CTC1: variants seen among roughly 807,000 people sequenced by gnomAD.
CTC1 encodes the protein CST complex subunit CTC1.
Under a neutral mutation model 136.3 loss-of-function variants are expected in CTC1, and 91 were observed. That is an observed-to-expected ratio of 0.67 (90% CI 0.56 to 0.79). CTC1 has a LOEUF of 0.79. Among genes scored for constraint, CTC1 ranks in the 30% least tolerant of loss-of-function variants. CTC1 has a pLI of 0.00. For missense variants in CTC1, 1,432 were observed against 1,498.1 expected (o/e 0.96, Z 0.73); for synonymous variants, 606 against 613.8 (o/e 0.99, Z 0.19).
At chr17:8,233,120 A>G in intron 10 of CTC1, 88 bp from the exon 11 acceptor site, 1 of 1,438,214 alleles carries the variant, frequency 7.0e-7, no homozygotes, top group Non-Finnish European at 9.5e-7. Context: ...TTACATGGTA[A>G]AGCTACAAAA....
Position 8,234,887 on chromosome 17 carries a change from T to C in CTC1, c.1479A>G (p.Gln493=), listed in dbSNP as rs188654013. The change falls in exon 9 of 23, where the codon CAA becomes CAG. Residue 493 remains glutamine, a synonymous_variant. Coordinates refer to ENST00000651323, the MANE Select transcript of CTC1 (RefSeq NM_025099.6). ...PHVLRHHQFL[Q]HSSPGSPSLG... The stretch of plus-strand genomic sequence containing the variant: ...GGCTGGGGCTCCCAGGAGAGGAATG[T>C]TGCAGGAACTGGTGGTGTCTCAGCA... 90 of 1,610,078 alleles carry C rather than the reference T, an allele frequency of 5.6e-5. 1 individual carries two copies. In the African/African-American group the frequency reaches 8.5e-4, roughly 15 times the overall value.
At chr17:8,242,531 GAGAAAAAAA>G (rs1200931033) in intron 2 of CTC1, among the ~76,000 whole-genome samples, 916 of 79,508 alleles carry the variant, frequency 0.012, 7 homozygotes, top group African/African-American at 0.047. Flanking sequence ...ATAGTGTAGA[GAGAAAAAAA>G]AAAAAAAAAA....
Position 8,235,866 on chromosome 17 carries a change from G to A in CTC1, c.1171C>T (p.Leu391Phe). 1 of 1,613,760 alleles carries A rather than the reference G, an allele frequency of 6.2e-7. No homozygotes were observed. The highest frequency in any genetic ancestry group is 8.5e-7 in the Non-Finnish European group (1 of 1,179,746). The change falls in exon 7 of 23, where the codon CTT becomes TTT. Residue 391 changes from leucine to phenylalanine, a missense_variant. Physicochemically the swap from Leu to Phe is conservative, Grantham distance 22. Transcript: ENST00000651323. ...ACTCCAGGTCGCATCACCCGCCTAA[G>A]GCCACGGAACTGCTGGTAGGCAAGG... ...LCLAYQQFRG[L>F]RRVMRPGVCL...
Position 8,232,148 on chromosome 17 carries a change from T to C in CTC1, c.2140A>G (p.Thr714Ala). The C allele has an allele frequency of 6.6e-7, 1 of 1,524,614 alleles. No individual in the cohort carries two copies. Among genetic ancestry groups the C allele is most frequent in the Non-Finnish European group, 8.8e-7 (1 of 1,140,412 alleles). 94.4% of individuals were successfully genotyped at this position (1,524,614 alleles called of 1,614,324 possible). ...GGGCCGGTGGGATCTGTCTGAGGTG[T>C]TGAGGGTGTTGCTGAATGAAGGCAG... The part of the protein sequence containing the change: ...RPCLHSATPS[T>A]PQTDPTGPEG... The change falls in exon 13 of 23, where the codon ACA becomes GCA. Residue 714 changes from threonine to alanine, a missense_variant. Thr to Ala is a moderately conservative substitution (Grantham distance 58). Transcript: ENST00000651323.
In CTC1 at chr17:8,226,659, A is replaced by G. The variant is rs757866349; in HGVS notation, c.*1521T>C. 2 of 152,224 alleles carry G rather than the reference A, an allele frequency of 1.3e-5. No homozygotes were observed. The highest frequency in any genetic ancestry group is 2.9e-5 in the Non-Finnish European group (2 of 68,042). The allele number at this position is 152,224 out of a possible 1,614,324, so 9.4% of individuals were successfully genotyped here. A position where few individuals can be genotyped will look rare whatever the true frequency, so the allele number is the denominator to read the frequency against. On this transcript the variant is annotated 3_prime_UTR_variant, in exon 23 of 23. Transcript: ENST00000651323. ...CGCGGGGAGACCCCAATGGATTTCT[A>G]GTCCATCGCCTTAACCACTCGGCCA...
At chr17:8,234,727 T>A (rs952501601) in intron 9 of CTC1, 22 bp downstream of exon 9, 24 of 1,581,046 alleles carry the variant, frequency 1.5e-5, no homozygotes, top group Non-Finnish European at 2.1e-5. Context: ...TCTGCCACCA[T>A]CCTTCCCCCA....
rs773769861 is a variant in CTC1, at chr17:8,228,488, C to T, written c.3514+15G>A. The stretch of plus-strand genomic sequence containing the variant: ...GATCCCCCTATCATCATGATCCCCC[C>T]GTCTCCAACCTTACCTAATGGGACG... On this transcript the variant is annotated intron_variant, in intron 22 of 22. Transcript: ENST00000651323. The T allele has an allele frequency of 1.2e-5, 19 of 1,614,088 alleles. No individual in the cohort carries two copies. The highest frequency in any genetic ancestry group is 1.6e-4 in the Middle Eastern group (1 of 6,062).
chr17:8,232,679 G>A (rs1987348096), intron 11 of CTC1: 2 of 688,188 alleles, frequency 2.9e-6, no homozygotes, highest in Non-Finnish European at 5.0e-6. Context: ...TTGTAATCCT[G>A]GAGTGCATGT....
chr17:8,242,699 A>G (rs967180997), intron 2 of CTC1, among the ~76,000 whole-genome samples: 12 of 151,660 alleles, frequency 7.9e-5, no homozygotes, highest in African/African-American at 2.4e-4. Flanking sequence ...CACAAAATAA[A>G]GATAACACCA....
chr17:8,238,176 G>A lies in CTC1; in HGVS notation c.502C>T (p.Pro168Ser), dbSNP rs1385087993. The A allele has an allele frequency of 3.7e-6, 6 of 1,614,004 alleles. No homozygotes were observed. Among genetic ancestry groups the A allele is most frequent in the Non-Finnish European group, 5.1e-6 (6 of 1,179,886 alleles). The change falls in exon 4 of 23, where the codon CCT (proline) becomes TCT (serine). Residue 168 changes from proline (P) to serine (S), a missense_variant. Transcript: ENST00000651323. ...TCCCCTGAGGAATTCCACCTGGCAGGAGGGAGGTAACTCCAACGGGGGAAC... is the reference window on the plus strand; with the variant it reads ...TCCCCTGAGGAATTCCACCTGGCAGAAGGGAGGTAACTCCAACGGGGGAAC... ...FLFPRWSYLP[P>S]ARWNSSGEGH...
intron 10 of CTC1, 39 bp downstream of exon 10, chr17:8,234,416 A>C: frequency 6.5e-7 from 1 of 1,539,012 alleles, no homozygotes; most frequent in Non-Finnish European, 8.8e-7. Context: ...AGGATGACAA[A>C]AAGGGAAATC....
intron 10 of CTC1, chr17:8,233,277 C>T (rs550924448): frequency 1.1e-5 from 5 of 460,926 alleles, no homozygotes; most frequent in South Asian, 9.6e-5. Flanking sequence ...CATGCGGGAT[C>T]TCACAGGACA....
chr17:8,235,391 G>A, intron 7 of CTC1, 106 bp from the exon 8 acceptor site: 3 of 829,884 alleles, frequency 3.6e-6, no homozygotes, highest in Non-Finnish European at 5.7e-6. Context: ...CAGGAAGACG[G>A]AAAGCAATTT....
intron 22 of CTC1, 54 bp from the exon 23 acceptor site, chr17:8,228,373 C>A: frequency 6.2e-7 from 1 of 1,608,368 alleles, no homozygotes; most frequent in Admixed American, 1.7e-5. Flanking sequence ...CTTTTAGTTC[C>A]CACCCACCAT....
intron 1 of CTC1, among the ~76,000 whole-genome samples, chr17:8,246,996 ATTT>A (rs1021017492): frequency 1.6e-5 from 2 of 126,270 alleles, no homozygotes; most frequent in African/African-American, 6.3e-5. Flanking sequence ...TTATTTATTT[ATTT>A]ATTTATTTAT....
intron 5 of CTC1, among the ~76,000 whole-genome samples, chr17:8,236,660 G>C (rs990316143): frequency 6.6e-5 from 10 of 152,248 alleles, no homozygotes; most frequent in African/African-American, 2.2e-4. Context: ...TGTAATCAAA[G>C]TGTATTGAGT....
chr17:8,230,571 A>C lies in CTC1; in HGVS notation c.2750T>G (p.Met917Arg), dbSNP rs1987130951. The C allele has an allele frequency of 8.7e-6, 14 of 1,614,170 alleles. No homozygotes were observed. Among genetic ancestry groups the C allele is most frequent in the Middle Eastern group, 1.6e-4 (1 of 6,062 alleles). The part of the protein sequence containing the change: ...LCEPLVASLW[M>R]KLGNTGAMRR... ...AAAGGAAGGGTCATTACCCAGTTTC[A>C]TCCAGAGAGACGCCACAAGGGGTTC... is the stretch of plus-strand genomic sequence containing the variant. The change falls in exon 16 of 23, where the codon ATG (methionine) becomes AGG (arginine). Residue 917 changes from methionine to arginine, a missense_variant. Physicochemically the swap from Met to Arg is moderately conservative, Grantham distance 91. Transcript: ENST00000651323.
rs767073205 is a variant in CTC1 at position 8,243,145 on chromosome 17, G to C, written c.37C>G (p.Gln13Glu). The C allele has an allele frequency of 2.5e-6, 4 of 1,611,268 alleles. No individual in the cohort carries two copies. The East Asian group carries it at 8.9e-5, about 36-fold the overall frequency. ...AGRAQVPSSE[Q>E]AWLEDAQVFI... is the part of the protein sequence containing the mutation. ...ACCTGAGCATCCTCAAGCCAGGCTT[G>C]TTCCTGAGGAAAGTGAATTTAGTTA... Residue 13 changes from glutamine to glutamate, a missense_variant, in exon 2 of 23, where the codon CAA (glutamine) becomes GAA (glutamate). Transcript: ENST00000651323.
chr17:8,230,006 C>T, intron 17 of CTC1, 38 bp from the exon 18 acceptor site: 1 of 1,596,044 alleles, frequency 6.3e-7, no homozygotes, highest in Non-Finnish European at 8.6e-7. Context: ...ACCAGGAAGA[C>T]AAGGCAAATT....
Sources: gnomAD v4.1 joint callset for allele counts (sites outside exome capture counted in the v4.1 genomes callset) on GRCh38, gnomAD v4.1.1 for gene constraint, MANE v1.5 for transcripts, NCBI Gene and HGNC (gene_info 2026-07-23, HGNC 2026-07-21) for gene names.